DCX: variants seen among roughly 807,000 people sequenced by gnomAD.
DCX encodes the protein doublecortin.
Under a neutral mutation model 20.9 loss-of-function variants are expected in DCX, and 4 were observed. That is an observed-to-expected ratio of 0.19 (90% CI 0.09 to 0.44). DCX has a LOEUF of 0.44. Ranked by LOEUF, DCX falls within the 20% of genes least tolerant of loss-of-function variation. The pLI is 0.99. For missense variants in DCX, 133 were observed against 296.9 expected (o/e 0.45, Z 4.06); for synonymous variants, 103 against 111.4 (o/e 0.92, Z 0.47).
chrX:111,334,572 C>T (rs776262876), intron 3 of DCX, among the ~76,000 whole-genome samples: 1 of 112,266 alleles, frequency 8.9e-6, no homozygotes, highest in Non-Finnish European at 1.9e-5. Flanking sequence ...TATTTATTGT[C>T]ATTACTATTT....
At chrX:111,355,864 C>A (rs770904928) in intron 3 of DCX, among the ~76,000 whole-genome samples, 57 of 112,023 alleles carry the variant, frequency 5.1e-4, no homozygotes, top group Admixed American at 2.8e-3. Flanking sequence ...CTCTGATTTG[C>A]CCAATTCAAA....
intron 2 of DCX, among the ~76,000 whole-genome samples, chrX:111,403,718 G>A (rs1927985800): frequency 8.9e-6 from 1 of 112,007 alleles, no homozygotes; most frequent in Non-Finnish European, 1.9e-5. Flanking sequence ...TTGTGGGGTT[G>A]TTGTGGGGCA....
intron 3 of DCX, among the ~76,000 whole-genome samples, chrX:111,393,215 T>C (rs1053888661): frequency 1.8e-5 from 2 of 111,249 alleles, no homozygotes; most frequent in African/African-American, 6.5e-5. Context: ...TTAATTTAAA[T>C]TAAGAAAACT....
intron 5 of DCX, among the ~76,000 whole-genome samples, chrX:111,327,436 A>C (rs1028093574): frequency 8.9e-6 from 1 of 112,388 alleles, no homozygotes; most frequent in Non-Finnish European, 1.9e-5. Flanking sequence ...AATGTCTGTA[A>C]GGAGAAATTT....
chrX:111,362,747 G>A (rs191849368), intron 3 of DCX, among the ~76,000 whole-genome samples: 82 of 110,888 alleles, frequency 7.4e-4, no homozygotes, highest in Non-Finnish European at 2.8e-4. Context: ...GAGAGATGAG[G>A]AGATTCCCTG....
Position 111,342,339 on chromosome X carries a change from T to TTATATATATATATA in DCX, c.706-9200_706-9187dup, listed in dbSNP as rs60045433. ...ACAATTCAACAAGAAGAGCTAACTA[T>TTATATATATATATA]TATATATATATATATATATATATAT... On this transcript the variant is annotated intron_variant, in intron 3 of 6. Transcript: ENST00000636035. Among the ~76,000 whole-genome samples, 56 of 20,729 alleles carry TTATATATATATATA rather than the reference T, an allele frequency of 2.7e-3. 4 individuals are homozygous for TTATATATATATATA. The highest frequency in any genetic ancestry group is 4.0e-3 in the Non-Finnish European group (33 of 8,175). 18.0% of individuals were successfully genotyped at this position (20,729 alleles called of 115,157 possible). A position where few individuals can be genotyped will look rare whatever the true frequency, so the allele number is the denominator to read the frequency against.
chrX:111,380,353 T>C (rs1454086559), intron 3 of DCX, among the ~76,000 whole-genome samples: 2 of 111,924 alleles, frequency 1.8e-5, no homozygotes, highest in Non-Finnish European at 3.8e-5. Flanking sequence ...ATATATGCTG[T>C]GAGGTGGGGA....
At chrX:111,353,495 G>C (rs1923487339) in intron 3 of DCX, among the ~76,000 whole-genome samples, 1 of 111,708 alleles carries the variant, frequency 9.0e-6, no homozygotes, top group African/African-American at 3.3e-5. Context: ...CTGGCAAAGT[G>C]TATCTTGTTT....
chrX:111,386,736 T>C (rs1926548669), intron 3 of DCX, among the ~76,000 whole-genome samples: 1 of 111,492 alleles, frequency 9.0e-6, no homozygotes, highest in South Asian at 3.8e-4. Context: ...ATTCATCCCA[T>C]TGCTAATCAA....
chrX:111,360,292 C>G (rs1278361322), intron 3 of DCX, among the ~76,000 whole-genome samples: 1 of 111,818 alleles, frequency 8.9e-6, no homozygotes, highest in Non-Finnish European at 1.9e-5. Context: ...TCATTTGCAA[C>G]AGCATGGATG....
At chrX:111,379,235 A>C (rs1411964426) in intron 3 of DCX, among the ~76,000 whole-genome samples, 1 of 111,688 alleles carries the variant, frequency 9.0e-6, no homozygotes, top group African/African-American at 3.2e-5. Flanking sequence ...ATACCACGCA[A>C]TTCACCCATT....
intron 5 of DCX, among the ~76,000 whole-genome samples, chrX:111,327,177 A>G: frequency 8.9e-6 from 1 of 111,755 alleles, no homozygotes; most frequent in African/African-American, 3.3e-5. Flanking sequence ...ATAGACTTGG[A>G]TTCTAAGAGT....
At chrX:111,329,579 G>A (rs1219025073) in intron 5 of DCX, among the ~76,000 whole-genome samples, 1 of 111,578 alleles carries the variant, frequency 9.0e-6, no homozygotes, top group Non-Finnish European at 1.9e-5. Context: ...TTATCTCTAT[G>A]TGAGGTCTTG....
intron 6 of DCX, among the ~76,000 whole-genome samples, chrX:111,302,806 T>G: frequency 8.9e-6 from 1 of 112,026 alleles, no homozygotes; most frequent in Non-Finnish European, 1.9e-5. Context: ...ATTAGATTTT[T>G]TTCTTACTGG....
At chrX:111,379,535 G>A (rs1361305027) in intron 3 of DCX, among the ~76,000 whole-genome samples, 1 of 111,910 alleles carries the variant, frequency 8.9e-6, no homozygotes, top group African/African-American at 3.2e-5. Flanking sequence ...TCACGTTATA[G>A]CATGTCATCA....
intron 1 of DCX, chrX:111,410,730 A>C (rs769115537): frequency 8.7e-7 from 1 of 1,144,602 alleles, no homozygotes; most frequent in Non-Finnish European, 1.2e-6. Context: ...AGATTTTGAA[A>C]TAGCTGAAAA....
intron 6 of DCX, among the ~76,000 whole-genome samples, chrX:111,302,148 A>C (rs1320863455): frequency 8.9e-6 from 1 of 111,845 alleles, no homozygotes; most frequent in Non-Finnish European, 1.9e-5. Flanking sequence ...GCAACAAATA[A>C]TCTGTTTCCT....
At chrX:111,386,100 A>AC (rs1363331639) in intron 3 of DCX, among the ~76,000 whole-genome samples, 3 of 111,400 alleles carry the variant, frequency 2.7e-5, no homozygotes, top group Non-Finnish European at 3.8e-5. Context: ...CAAGGGCAGT[A>AC]TGGAGCAGAT....
intron 5 of DCX, among the ~76,000 whole-genome samples, chrX:111,313,468 C>A (rs979040081): frequency 9.0e-6 from 1 of 110,564 alleles, no homozygotes; most frequent in Non-Finnish European, 1.9e-5. Context: ...AGAAAAGAGA[C>A]AAGGAAGATG....
Sources: gnomAD v4.1 joint callset for allele counts (sites outside exome capture counted in the v4.1 genomes callset) on GRCh38, gnomAD v4.1.1 for gene constraint, MANE v1.5 for transcripts, NCBI Gene and HGNC (gene_info 2026-07-23, HGNC 2026-07-21) for gene names.